Variants in REV3L observed in about 807,000 individuals in gnomAD.
The protein encoded by REV3L is DNA polymerase zeta catalytic subunit.
Under a neutral mutation model 299.4 loss-of-function variants are expected in REV3L, and 69 were observed. That is an observed-to-expected ratio of 0.23 (90% CI 0.19 to 0.28). REV3L has a LOEUF of 0.28. REV3L is among the 10% of genes least tolerant of loss of function. The probability of loss-of-function intolerance (pLI) is 1.00; values close to 1 mark genes in which losing one functional copy is unlikely to be tolerated. For synonymous variants in REV3L, 1,238 were observed against 1,271.4 expected, an observed-to-expected ratio of 0.97 and a Z score of 0.56; for missense variants, 3,128 against 3,693.8, an observed-to-expected ratio of 0.85 and a Z score of 3.97.
chr6:111,472,426 T>C (rs778520858), intron 1 of REV3L, among the ~76,000 whole-genome samples: 2 of 152,136 alleles, frequency 1.3e-5, no homozygotes, highest in Non-Finnish European at 2.9e-5. Context: ...CAAGGCATTT[T>C]TGAGGTAACA....
intron 1 of REV3L, among the ~76,000 whole-genome samples, chr6:111,425,107 A>G (rs1443123237): frequency 1.3e-5 from 2 of 152,206 alleles, no homozygotes; most frequent in Non-Finnish European, 2.9e-5. Context: ...GAAAAGAGGC[A>G]TTTAAAGAAA....
intron 18 of REV3L, among the ~76,000 whole-genome samples, chr6:111,353,410 T>A (rs1777775264): frequency 6.6e-6 from 1 of 152,230 alleles, no homozygotes; most frequent in Non-Finnish European, 1.5e-5. Flanking sequence ...GTGGCTGATG[T>A]CAAAAGAACT....
intron 1 of REV3L, among the ~76,000 whole-genome samples, chr6:111,473,874 C>T (rs1402096059): frequency 2.6e-5 from 4 of 152,102 alleles, no homozygotes; most frequent in African/African-American, 4.8e-5. Flanking sequence ...AACTGTAGGA[C>T]ACTGGACAAA....
At chr6:111,366,600 T>C (rs1017532576) in intron 14 of REV3L, among the ~76,000 whole-genome samples, 1 of 151,496 alleles carries the variant, frequency 6.6e-6, no homozygotes, top group African/African-American at 2.4e-5. Flanking sequence ...GGAACATCTA[T>C]TGGTTTTAGC....
chr6:111,460,722 CA>C (rs1427939197), intron 1 of REV3L, among the ~76,000 whole-genome samples: 2 of 151,996 alleles, frequency 1.3e-5, no homozygotes, highest in Admixed American at 6.6e-5. Context: ...AAAGTAAATA[CA>C]AAACTTCATA....
intron 1 of REV3L, among the ~76,000 whole-genome samples, chr6:111,436,192 G>A (rs765400258): frequency 5.3e-5 from 8 of 152,098 alleles, no homozygotes; most frequent in East Asian, 1.9e-4. Context: ...GAGAATCCTC[G>A]TACACCACTG....
At chr6:111,350,454 A>T (rs1218545042) in intron 19 of REV3L, among the ~76,000 whole-genome samples, 5 of 152,146 alleles carry the variant, frequency 3.3e-5, no homozygotes, top group Non-Finnish European at 5.9e-5. Context: ...AAGGATATTT[A>T]AAACCTATCC....
intron 21 of REV3L, among the ~76,000 whole-genome samples, chr6:111,341,678 G>A (rs1776497505): frequency 6.6e-6 from 1 of 152,132 alleles, no homozygotes; most frequent in Non-Finnish European, 1.5e-5. Context: ...ACAGCTCAGA[G>A]TTCATTTAGG....
intron 1 of REV3L, among the ~76,000 whole-genome samples, chr6:111,475,405 T>C (rs117604125): frequency 2.7e-3 from 415 of 152,298 alleles, no homozygotes; most frequent in Non-Finnish European, 4.9e-3. Flanking sequence ...GAAATAAATC[T>C]GTGTTTTAAT....
chr6:111,338,225 A>G (rs1166323150), intron 21 of REV3L, among the ~76,000 whole-genome samples: 1 of 151,028 alleles, frequency 6.6e-6, no homozygotes, highest in African/African-American at 2.4e-5. Flanking sequence ...AGAGTTACCA[A>G]TTGAAGTATG....
chr6:111,333,999 C>A (rs539466748), intron 22 of REV3L, among the ~76,000 whole-genome samples: 1 of 152,190 alleles, frequency 6.6e-6, no homozygotes, highest in Admixed American at 6.5e-5. Context: ...AGTGCAATGG[C>A]AAAATCTCGG....
chr6:111,465,106 T>TG (rs2128329779), intron 1 of REV3L, among the ~76,000 whole-genome samples: 1 of 138,168 alleles, frequency 7.2e-6, no homozygotes, highest in East Asian at 2.2e-4. Flanking sequence ...TTTTTTGAGA[T>TG]GGAGTTTCTC....
chr6:111,444,115 C>T (rs1206324183), intron 1 of REV3L, among the ~76,000 whole-genome samples: 1 of 152,096 alleles, frequency 6.6e-6, no homozygotes, highest in Non-Finnish European at 1.5e-5. Context: ...GTAGACAGGC[C>T]TTCAAACATC....
intron 1 of REV3L, chr6:111,430,807 G>A (rs1786816768): frequency 2.5e-6 from 4 of 1,608,690 alleles, no homozygotes; most frequent in Non-Finnish European, 3.4e-6. Flanking sequence ...CTGGAGGAAA[G>A]CTGACCAGGC....
In REV3L at chr6:111,480,354, ATC is replaced by A. The variant is rs1562379769; in HGVS notation, c.139+2394_139+2395del. ...TGTTTACATCTTTACTTTCAAATAA[ATC>A]TGTCTTCATTAAAAATTCTAGCATT... On this transcript the variant is annotated intron_variant, in intron 1 of 31. Transcript: ENST00000368802. 4.6e-5 allele frequency among the ~76,000 whole-genome samples: 7 copies of A among 152,162 alleles called. 1 individual carries two copies. Among genetic ancestry groups the A allele is most frequent in the African/African-American group, 1.7e-4 (7 of 41,462 alleles).
intron 1 of REV3L, chr6:111,431,218 G>A: frequency 1.3e-6 from 2 of 1,563,104 alleles, no homozygotes; most frequent in Non-Finnish European, 1.8e-6. Context: ...TTTACTGGAT[G>A]TTTTAACAAA....
intron 11 of REV3L, among the ~76,000 whole-genome samples, chr6:111,379,227 A>G (rs1780591277): frequency 6.6e-6 from 1 of 152,232 alleles, no homozygotes; most frequent in Non-Finnish European, 1.5e-5. Flanking sequence ...TTTATTAAGT[A>G]GAAAAATAAA....
chr6:111,303,840 C>T (rs1409156679), intron 31 of REV3L, among the ~76,000 whole-genome samples: 1 of 150,674 alleles, frequency 6.6e-6, no homozygotes, highest in Non-Finnish European at 1.5e-5. Flanking sequence ...CTGCCTCAGC[C>T]TCCTGAGTAG....
At chr6:111,381,780 CT>C (rs1157593364) in intron 9 of REV3L, among the ~76,000 whole-genome samples, 11 of 151,964 alleles carry the variant, frequency 7.2e-5, no homozygotes, top group African/African-American at 2.7e-4. Flanking sequence ...TATTTGAATA[CT>C]AAAATTCTTT....
Sources: gnomAD v4.1 joint callset for allele counts (sites outside exome capture counted in the v4.1 genomes callset) on GRCh38, gnomAD v4.1.1 for gene constraint, MANE v1.5 for transcripts, NCBI Gene and HGNC (gene_info 2026-07-23, HGNC 2026-07-21) for gene names.